ZDHHC23: variants seen among roughly 807,000 people sequenced by gnomAD.
The protein encoded by ZDHHC23 is palmitoyltransferase ZDHHC23.
In ZDHHC23, 41 loss-of-function variants were observed where a neutral mutation model predicts 40.2. The ratio of observed to expected loss-of-function variants is 1.02; its 90% CI spans 0.79 to 1.32. The LOEUF (loss-of-function observed/expected upper bound fraction) is 1.32. ZDHHC23 is among the 40% of genes most tolerant of loss of function. The probability of loss-of-function intolerance (pLI) is 0.00; values close to 1 mark genes in which losing one functional copy is unlikely to be tolerated. For missense variants in ZDHHC23, 471 were observed against 541.5 expected (o/e 0.87, Z 1.29); for synonymous variants, 204 against 210.2 (o/e 0.97, Z 0.26).
At chr3:113,965,101 AAC>A (rs1482548273), downstream of ZDHHC23, 1 of 1,096,690 alleles carries the variant, frequency 9.1e-7, no homozygotes. Context: ...GGGTGGAGAT[AAC>A]ACACATACAG....
intron 1 of ZDHHC23, 130 bp from the exon 2 acceptor site, chr3:113,948,556 G>A (rs537394933): frequency 9.3e-4 from 389 of 419,978 alleles, no homozygotes; most frequent in Non-Finnish European, 1.5e-3. Context: ...TGCCCAGGCT[G>A]GGAAGGGGCG....
At position 113,959,168 on chromosome 3, in the gene ZDHHC23, G is replaced by A. The variant is rs1423602466; in HGVS notation, c.*538G>A. ...GAGCCATGGAAATACAAAGTATTAG[G>A]AAAATATTATGATGGAAGAAAAACG... On this transcript the variant is annotated 3_prime_UTR_variant, in exon 5 of 5. Coordinates refer to ENST00000638807, the MANE Select transcript of ZDHHC23 (RefSeq NM_001320466.2). The A allele has an allele frequency of 6.6e-6, 7 of 1,066,862 alleles. No individual in the cohort carries two copies. Among genetic ancestry groups the A allele is most frequent in the Non-Finnish European group, 8.0e-6 (7 of 873,998 alleles). 66.1% of individuals were successfully genotyped at this position (1,066,862 alleles called of 1,614,324 possible).
At chr3:113,951,108 C>G (rs1577249582) in intron 2 of ZDHHC23, among the ~76,000 whole-genome samples, 3 of 152,206 alleles carry the variant, frequency 2.0e-5, no homozygotes, top group African/African-American at 7.2e-5. Context: ...GGAGTTCCTA[C>G]AGGTGCCTCC....
downstream of ZDHHC23, among the ~76,000 whole-genome samples, chr3:113,969,150 T>G (rs1442365349): frequency 3.3e-5 from 5 of 152,188 alleles, no homozygotes; most frequent in African/African-American, 9.7e-5. Context: ...ATTAAGCCAT[T>G]CATTAAGCAA....
rs564581662 is a variant in ZDHHC23 at position 113,959,245 on chromosome 3, CA to C, written c.*616del. The C allele has an allele frequency of 8.4e-6, 9 of 1,077,446 alleles. No individual in the cohort carries two copies. In the South Asian group the frequency reaches 2.3e-4, roughly 27 times the overall value. 66.7% of individuals were successfully genotyped at this position (1,077,446 alleles called of 1,614,324 possible). On this transcript the variant is annotated 3_prime_UTR_variant, in exon 5 of 5. Transcript: ENST00000638807. Reference sequence around the variant, plus strand: ...TATTATTAGGGTAATCAGTTTTCAGCATATACCTTGTTGTACAGTTATGAGA... The same window carrying C: ...TATTATTAGGGTAATCAGTTTTCAGCTATACCTTGTTGTACAGTTATGAGA...
chr3:113,967,525 T>C (rs987734490), downstream of ZDHHC23, among the ~76,000 whole-genome samples: 1 of 152,222 alleles, frequency 6.6e-6, no homozygotes, highest in African/African-American at 2.4e-5. Flanking sequence ...TGATACATAA[T>C]ATACATATTT....
At position 113,959,134 on chromosome 3, in the gene ZDHHC23, ACAACT is replaced by A; in HGVS notation, c.*508_*512del. ...AGATGGATGTGGAAAGCACTAAAAA[ACAACT>A]CAAGAGCCATGGAAATACAAAGTAT... On this transcript the variant is annotated 3_prime_UTR_variant, in exon 5 of 5. Transcript: ENST00000638807. 1.9e-6 allele frequency: 2 copies of A among 1,043,084 alleles called. No individual in the cohort carries two copies. The highest frequency in any genetic ancestry group is 2.8e-5 in the South Asian group (1 of 35,480). 64.6% of individuals were successfully genotyped at this position (1,043,084 alleles called of 1,614,324 possible).
intron 3 of ZDHHC23, among the ~76,000 whole-genome samples, chr3:113,954,819 T>C (rs1043993432): frequency 2.0e-5 from 3 of 152,198 alleles, no homozygotes; most frequent in African/African-American, 7.2e-5. Flanking sequence ...TATTTTTAGG[T>C]GACTCTTTTG....
chr3:113,972,011 T>C, the ZDHHC23 span, among the ~76,000 whole-genome samples: 7 of 152,138 alleles, frequency 4.6e-5, no homozygotes, highest in Admixed American at 4.6e-4. Flanking sequence ...ATTTTTGATG[T>C]CTCAGTTGTT....
Position 113,962,076 on chromosome 3 carries a change from A to G in ZDHHC23, c.*3446A>G, listed in dbSNP as rs911844154. On this transcript the variant is annotated 3_prime_UTR_variant, in exon 5 of 5. Coordinates refer to ENST00000638807, the MANE Select transcript of ZDHHC23 (RefSeq NM_001320466.2). ...AAAGTAGAGGTTGCTTAAGCAAGCA[A>G]TGGATAATAAGAGACTTTTCCTGAG... is the stretch of plus-strand genomic sequence containing the variant. 2 of 152,644 alleles carry G rather than the reference A, an allele frequency of 1.3e-5. No individual in the cohort carries two copies. Among genetic ancestry groups the G allele is most frequent in the Non-Finnish European group, 2.9e-5 (2 of 68,046 alleles). 9.5% of individuals were successfully genotyped at this position (152,644 alleles called of 1,614,324 possible).
the ZDHHC23 span, among the ~76,000 whole-genome samples, chr3:113,977,942 G>A: frequency 6.6e-6 from 1 of 152,024 alleles, no homozygotes; most frequent in Non-Finnish European, 1.5e-5. Context: ...TTATTCTCTT[G>A]GCAGTTTCCG....
At chr3:113,974,510 G>A in the ZDHHC23 span, among the ~76,000 whole-genome samples, 1 of 151,856 alleles carries the variant, frequency 6.6e-6, no homozygotes, top group Admixed American at 6.6e-5. Flanking sequence ...AGTAGAGAGG[G>A]GGTTTCACCA....
At chr3:113,965,151 T>G (rs1251943310), downstream of ZDHHC23, 1 of 1,586,550 alleles carries the variant, frequency 6.3e-7, no homozygotes. Context: ...TACACTAATC[T>G]GGCTCATTCG....
At chr3:113,955,400 G>A (rs2107484007) in intron 3 of ZDHHC23, among the ~76,000 whole-genome samples, 1 of 151,684 alleles carries the variant, frequency 6.6e-6, no homozygotes, top group Middle Eastern at 3.4e-3. Flanking sequence ...GTGCGTGTGT[G>A]TTCCATTTAC....
In ZDHHC23 at chr3:113,959,591, C is replaced by G. The variant is rs528510725; in HGVS notation, c.*961C>G. 9.8e-5 allele frequency: 119 copies of G among 1,218,636 alleles called. No homozygotes were observed. Among genetic ancestry groups the G allele is most frequent in the East Asian group, 1.8e-4 (3 of 17,020 alleles). The allele number at this position is 1,218,636 out of a possible 1,614,324, so 75.5% of individuals were successfully genotyped here. The stretch of plus-strand genomic sequence containing the variant: ...GACACTCCTGTGGGGATGCTTTACT[C>G]TCTTTTCTGGTAGGAAGGCTGAGTA... On this transcript the variant is annotated 3_prime_UTR_variant, in exon 5 of 5. Transcript: ENST00000638807.
At chr3:113,948,655 C>T (rs1577242826) in intron 1 of ZDHHC23, 31 bp from the exon 2 acceptor site, 10 of 904,830 alleles carry the variant, frequency 1.1e-5, no homozygotes, top group Middle Eastern at 3.4e-4. Flanking sequence ...GGACCCCCTC[C>T]CCCTCTCTCT....
downstream of ZDHHC23, among the ~76,000 whole-genome samples, chr3:113,967,047 C>T (rs534577805): frequency 2.0e-5 from 3 of 151,882 alleles, no homozygotes; most frequent in Admixed American, 2.0e-4. Context: ...TGCAGTGAGC[C>T]GAGATCAAGC....
chr3:113,957,250 G>T (rs1939322809), intron 4 of ZDHHC23, among the ~76,000 whole-genome samples: 1 of 152,122 alleles, frequency 6.6e-6, no homozygotes, highest in African/African-American at 2.4e-5. Context: ...CTGTGGTTTG[G>T]CCCTTTTCTT....
rs1938955028 is a variant in ZDHHC23 at position 113,954,221 on chromosome 3, A to G, written c.683A>G (p.Asp228Gly). The stretch of plus-strand genomic sequence containing the variant: ...AAGACCAAAGGGTTCCCTGGGGCAG[A>G]CATGTCGGGCAGTCTCAACAATCGC... ...QEKTKGFPGADMSGSLNNRTT... is the reference protein window; with the variant it reads ...QEKTKGFPGAGMSGSLNNRTT... Residue 228 changes from aspartate (D) to glycine (G), a missense_variant, in exon 3 of 5, where the codon GAC (aspartate) becomes GGC (glycine). Physicochemically the swap from Asp to Gly is moderately conservative, Grantham distance 94 (BLOSUM62 -1). Transcript: ENST00000638807. 6.2e-7 allele frequency: 1 copy of G among 1,614,110 alleles called. No individual in the cohort carries two copies. Among genetic ancestry groups the G allele is most frequent in the African/African-American group, 1.3e-5 (1 of 74,936 alleles).
Sources: allele counts gnomAD v4.1 joint callset (sites outside exome capture counted in the v4.1 genomes callset), GRCh38; gene constraint gnomAD v4.1.1; transcripts MANE v1.5; gene names NCBI Gene and HGNC (gene_info 2026-07-23, HGNC 2026-07-21).